INTS14: variants seen among roughly 807,000 people sequenced by gnomAD.
INTS14 encodes UPF0464 protein C15orf44.
In INTS14, 27 loss-of-function variants were observed where a neutral mutation model predicts 56.9. The observed-to-expected ratio is 0.47, with a 90% CI of 0.35 to 0.65. The LOEUF (loss-of-function observed/expected upper bound fraction) is 0.65, where lower values mean the gene tolerates loss of function less well. Among genes scored for constraint, INTS14 ranks in the 30% least tolerant of loss-of-function variants. INTS14 has a pLI of 0.00. For missense variants in INTS14, 517 were observed against 632.2 expected (o/e 0.82, Z 1.95); for synonymous variants, 207 against 236.2 (o/e 0.88, Z 1.13).
rs2073316923 is a variant in INTS14 at position 65,598,866 on chromosome 15, A to G, written c.605+6T>C. ...GAAGGCAAAAGAGCTCTAAGCATAT[A>G]CTCACCCAAACATAGACTGTACATT... is the stretch of plus-strand genomic sequence containing the variant. On this transcript the variant is annotated splice_donor_region_variant and intron_variant, in intron 5 of 11. Transcript: ENST00000313182. 1 of 1,604,180 alleles carries G rather than the reference A, an allele frequency of 6.2e-7. No individual in the cohort carries two copies. The highest frequency in any genetic ancestry group is 1.7e-5 in the Admixed American group (1 of 59,304).
Position 65,579,383 on chromosome 15 carries a change from A to G in INTS14, c.*25T>C. 1.3e-6 allele frequency: 2 copies of G among 1,597,772 alleles called. No individual in the cohort carries two copies. The highest frequency in any genetic ancestry group is 1.7e-6 in the Non-Finnish European group (2 of 1,167,928). On this transcript the variant is annotated 3_prime_UTR_variant, in exon 12 of 12. Transcript: ENST00000313182. ...AAGCATTTTCAGTTGAAATGAAAAA[A>G]GAAGGAAAGCTCCAAAAGTCAGTTT...
chr15:65,579,549 G>A lies in INTS14; in HGVS notation c.1416C>T (p.His472=). 6.2e-7 allele frequency: 1 copy of A among 1,614,208 alleles called. No individual in the cohort carries two copies. Among genetic ancestry groups the A allele is most frequent in the African/African-American group, 1.3e-5 (1 of 75,040 alleles). ...GGGTCAGCTGGAATGCAGCATCAGGGTGGGCTGTCTCAGGCAGCAGTGTGC... is the reference window on the plus strand; with the variant it reads ...GGGTCAGCTGGAATGCAGCATCAGGATGGGCTGTCTCAGGCAGCAGTGTGC... ...RECTLLPETA[H]PDAAFQLTHA... The change falls in exon 12 of 12, where the codon CAC becomes CAT. Residue 472 remains histidine, a synonymous_variant. Transcript: ENST00000313182.
chr15:65,583,484 G>A (rs2072702548), intron 10 of INTS14, among the ~76,000 whole-genome samples: 1 of 152,176 alleles, frequency 6.6e-6, no homozygotes, highest in Non-Finnish European at 1.5e-5. Flanking sequence ...GAATAGGTAA[G>A]TCCATAGAGA....
At chr15:65,596,809 C>T (rs2073230266) in intron 6 of INTS14, among the ~76,000 whole-genome samples, 1 of 152,146 alleles carries the variant, frequency 6.6e-6, no homozygotes, top group Admixed American at 6.5e-5. Flanking sequence ...GGTGATCCGC[C>T]CGCCTTGGCC....
intron 3 of INTS14, among the ~76,000 whole-genome samples, chr15:65,601,232 T>C (rs1326138366): frequency 2.0e-5 from 3 of 152,250 alleles, no homozygotes; most frequent in Non-Finnish European, 2.9e-5. Flanking sequence ...TTTCCTTTTC[T>C]TCATTGCTTC....
chr15:65,605,431 T>C (rs1379413955), intron 2 of INTS14, among the ~76,000 whole-genome samples, 195 bp from the exon 3 acceptor site: 2 of 152,224 alleles, frequency 1.3e-5, no homozygotes, highest in South Asian at 2.1e-4. Context: ...AGAATTCCAT[T>C]TATTCTATCC....
At chr15:65,597,161 A>G (rs545965990) in intron 6 of INTS14, among the ~76,000 whole-genome samples, 52 of 152,328 alleles carry the variant, frequency 3.4e-4, no homozygotes, top group African/African-American at 1.2e-3. Context: ...GTCTAGTCAC[A>G]GTAGAAGAGA....
chr15:65,580,817 C>G (rs143499183), intron 11 of INTS14, among the ~76,000 whole-genome samples: 170 of 152,362 alleles, frequency 1.1e-3, no homozygotes, highest in African/African-American at 3.9e-3. Context: ...GTTCCCCACT[C>G]TACCCCACCC....
At chr15:65,588,366 T>C (rs976792954) in intron 9 of INTS14, among the ~76,000 whole-genome samples, 36 of 151,198 alleles carry the variant, frequency 2.4e-4, no homozygotes, top group African/African-American at 8.0e-4. Context: ...ACCTATATTA[T>C]TTAGAAATGT....
At chr15:65,587,753 G>GA (rs2072879717) in intron 9 of INTS14, among the ~76,000 whole-genome samples, 1 of 152,188 alleles carries the variant, frequency 6.6e-6, no homozygotes, top group Admixed American at 6.5e-5. Context: ...GGCTAAGGTG[G>GA]AGGATTGCTT....
chr15:65,601,328 A>C (rs2073425440), intron 3 of INTS14, among the ~76,000 whole-genome samples: 1 of 152,152 alleles, frequency 6.6e-6, no homozygotes, highest in Non-Finnish European at 1.5e-5. Flanking sequence ...GTAACTTGAT[A>C]ACAATAGGCC....
chr15:65,610,184 A>AC (rs1251509287), intron 1 of INTS14, among the ~76,000 whole-genome samples: 1 of 152,124 alleles, frequency 6.6e-6, no homozygotes, highest in Non-Finnish European at 1.5e-5. Context: ...ACATGGTGAA[A>AC]CCCCATCTCT....
chr15:65,593,765 T>A (rs537671854), intron 7 of INTS14, among the ~76,000 whole-genome samples, 193 bp from the exon 8 acceptor site: 1 of 152,156 alleles, frequency 6.6e-6, no homozygotes, highest in South Asian at 2.1e-4. Context: ...TTATATGAAT[T>A]CCATTTATAT....
intron 9 of INTS14, among the ~76,000 whole-genome samples, chr15:65,590,140 C>T (rs1198613393): frequency 6.6e-6 from 1 of 152,214 alleles, no homozygotes. Context: ...GCTATTGCCA[C>T]GGTCTGGCTC....
Position 65,593,519 on chromosome 15 carries a change from C to A in INTS14, c.895G>T (p.Ala299Ser), listed in dbSNP as rs1335522088. 1.9e-6 allele frequency: 3 copies of A among 1,613,868 alleles called. No homozygotes were observed. Among genetic ancestry groups the A allele is most frequent in the Non-Finnish European group, 2.5e-6 (3 of 1,179,926 alleles). Residue 299 changes from alanine to serine, a missense_variant, in exon 8 of 12, where the codon GCC becomes TCC. Physicochemically the swap from Ala to Ser is moderately conservative, Grantham distance 99. Transcript: ENST00000313182. ...ITDDNEDENS[A>S]NQIAGKIPNF... The stretch of plus-strand genomic sequence containing the variant: ...GGTATTTTGCCTGCAATCTGATTGG[C>A]TGAATTTTCATCTTCATTGTCATCA...
chr15:65,586,193 A>C (rs957644320), intron 9 of INTS14, among the ~76,000 whole-genome samples: 6 of 152,258 alleles, frequency 3.9e-5, no homozygotes, highest in African/African-American at 1.4e-4. Context: ...AACTTACAGA[A>C]TAAAGAATAT....
At position 65,584,898 on chromosome 15, in the gene INTS14, A is replaced by G. The variant is rs752127914; in HGVS notation, c.1121-10T>C. On this transcript the variant is annotated splice_polypyrimidine_tract_variant and intron_variant, in intron 9 of 11. Coordinates refer to ENST00000313182, the MANE Select transcript of INTS14 (RefSeq NM_001394796.1). ...GGGTTTTCTTTAGCATCTTAAAAGA[A>G]AAGACATTCTTGAAATGACATCTGG... The G allele has an allele frequency of 5.6e-6, 9 of 1,602,606 alleles. No homozygotes were observed. In the South Asian group the frequency reaches 1.0e-4, roughly 18 times the overall value.
intron 1 of INTS14, among the ~76,000 whole-genome samples, chr15:65,608,591 C>G (rs1566934839): frequency 6.6e-6 from 1 of 152,082 alleles, no homozygotes; most frequent in Non-Finnish European, 1.5e-5. Flanking sequence ...AGGCTACTGA[C>G]ATGATGAAAT....
At position 65,591,730 on chromosome 15, in the gene INTS14, G is replaced by A. The variant is rs759403432; in HGVS notation, c.988C>T (p.Pro330Ser). The change falls in exon 9 of 12, where the codon CCT becomes TCT. Residue 330 changes from proline to serine, a missense_variant and splice_region_variant. Pro to Ser is a moderately conservative substitution (Grantham distance 74). Coordinates refer to ENST00000313182, the MANE Select transcript of INTS14 (RefSeq NM_001394796.1). ...EGMVAIVQLG[P>S]EWHGMLYSQA... ...GAGTAGAGCATTCCATGCCATTCAG[G>A]ACTAGATGGAGAGAAGACGGAAGAT... The A allele has an allele frequency of 5.6e-6, 9 of 1,613,740 alleles. No individual in the cohort carries two copies. In the East Asian group the frequency reaches 1.8e-4, roughly 32 times the overall value.
Sources: allele counts gnomAD v4.1 joint callset (sites outside exome capture counted in the v4.1 genomes callset), GRCh38; gene constraint gnomAD v4.1.1; transcripts MANE v1.5; gene names NCBI Gene and HGNC (gene_info 2026-07-23, HGNC 2026-07-21).